The following LPAR1 variants were observed in gnomAD, a reference collection of about 807,000 sequenced individuals.
LPAR1 encodes lysophosphatidic acid receptor 1, also known as LPA receptor 1.
LPAR1 carries 5 observed loss-of-function variants against 23.8 expected under a neutral mutation model. The observed-to-expected ratio is 0.21, with a 90% CI of 0.11 to 0.44. LPAR1 has a LOEUF of 0.44. Among genes scored for constraint, LPAR1 ranks in the 20% least tolerant of loss-of-function variants. The probability of loss-of-function intolerance (pLI) is 0.99; values close to 1 mark genes in which losing one functional copy is unlikely to be tolerated. For synonymous variants in LPAR1, 160 were observed against 164.7 expected (o/e 0.97, Z 0.22); for missense variants, 311 against 482.8 (o/e 0.64, Z 3.33).
chr9:110,880,080 G>A (rs896145342), intron 5 of LPAR1, among the ~76,000 whole-genome samples: 2 of 152,164 alleles, frequency 1.3e-5, no homozygotes, highest in African/African-American at 4.8e-5. Flanking sequence ...CTGTCTCACA[G>A]CACGCTGAAC....
intron 2 of LPAR1, among the ~76,000 whole-genome samples, chr9:111,025,749 TCA>T: frequency 6.6e-6 from 1 of 152,344 alleles, no homozygotes; most frequent in Non-Finnish European, 1.5e-5. Flanking sequence ...GGGTCCAGTT[TCA>T]CTTTTCTACA....
At chr9:110,897,766 A>G (rs999678590) in intron 5 of LPAR1, among the ~76,000 whole-genome samples, 2 of 152,102 alleles carry the variant, frequency 1.3e-5, no homozygotes, top group African/African-American at 2.4e-5. Context: ...GAAACATTGA[A>G]AAGTAGAAAA....
intron 5 of LPAR1, among the ~76,000 whole-genome samples, chr9:110,905,329 T>C (rs529736108): frequency 4.3e-4 from 62 of 143,348 alleles, no homozygotes; most frequent in Middle Eastern, 3.4e-3. Context: ...AAACAAAATA[T>C]GCCTTTGCTT....
intron 2 of LPAR1, among the ~76,000 whole-genome samples, chr9:111,010,499 C>T (rs540171350): frequency 7.8e-4 from 119 of 152,160 alleles, no homozygotes; most frequent in Non-Finnish European, 1.5e-3. Flanking sequence ...TTAAAATGTA[C>T]AATCATTGAG....
At chr9:110,935,589 C>T (rs1237744977) in intron 5 of LPAR1, among the ~76,000 whole-genome samples, 1 of 152,142 alleles carries the variant, frequency 6.6e-6, no homozygotes, top group Non-Finnish European at 1.5e-5. Flanking sequence ...ACGAGTTCAA[C>T]ACCAGCCTAG....
intron 2 of LPAR1, among the ~76,000 whole-genome samples, chr9:111,005,949 C>T (rs953385462): frequency 7.2e-5 from 11 of 152,272 alleles, no homozygotes; most frequent in African/African-American, 2.4e-4. Context: ...TCACACTAAA[C>T]CCTATTCAGT....
intron 2 of LPAR1, among the ~76,000 whole-genome samples, chr9:110,985,038 T>C (rs866301621): frequency 6.6e-6 from 1 of 151,998 alleles, no homozygotes; most frequent in African/African-American, 2.4e-5. Context: ...TTTATCTGGG[T>C]TACTTATCCC....
At position 110,875,505 on chromosome 9, in the gene LPAR1, G is replaced by T; in HGVS notation, c.1011C>A (p.Pro337=). Residue 337 remains proline (P), a synonymous_variant, in exon 6 of 6, where the codon CCC becomes CCA. Coordinates refer to ENST00000683809, the MANE Select transcript of LPAR1 (RefSeq NM_001351411.2). ...AAGCCGAGCGGTCTGAGCCTTCTGT[G>T]GGGCCGGTGGGGTTCTCACTGCGCT... is the stretch of plus-strand genomic sequence containing the variant. The part of the protein sequence containing the change: ...CCQRSENPTG[P]TEGSDRSASS... The T allele has an allele frequency of 6.2e-7, 1 of 1,614,156 alleles. No individual in the cohort carries two copies. The highest frequency in any genetic ancestry group is 8.5e-7 in the Non-Finnish European group (1 of 1,180,004).
chr9:111,005,136 T>C (rs1425086730), intron 2 of LPAR1, among the ~76,000 whole-genome samples: 1 of 119,410 alleles, frequency 8.4e-6, no homozygotes, highest in Non-Finnish European at 1.6e-5. Context: ...TACTCTAGCC[T>C]GGGTGACAAA....
chr9:110,902,915 C>T (rs943472506), intron 5 of LPAR1, among the ~76,000 whole-genome samples: 1 of 152,180 alleles, frequency 6.6e-6, no homozygotes, highest in African/African-American at 2.4e-5. Flanking sequence ...CAGGAGGAAC[C>T]CTAGCAGCCC....
chr9:111,027,734 A>C (rs75192556), intron 2 of LPAR1, among the ~76,000 whole-genome samples: 2,986 of 151,946 alleles, frequency 0.02, 92 homozygotes, highest in African/African-American at 0.068. Context: ...AGGCATGTGG[A>C]TACCTAGGAA....
chr9:110,887,363 T>G lies in LPAR1; in HGVS notation c.794-11641A>C, dbSNP rs187003683. ...ATGTTTATATTTATATAAATATAAT[T>G]TTTAATAGCCAAAAGACATGAAAAG... is the stretch of plus-strand genomic sequence containing the variant. On this transcript the variant is annotated intron_variant, in intron 5 of 5. Coordinates refer to ENST00000683809, the MANE Select transcript of LPAR1 (RefSeq NM_001351411.2). 2.7e-3 allele frequency among the ~76,000 whole-genome samples: 404 copies of G among 152,090 alleles called. 6 individuals are homozygous for G. The highest frequency in any genetic ancestry group is 9.1e-3 in the African/African-American group (377 of 41,536).
chr9:110,992,988 C>G (rs1415940909), intron 2 of LPAR1, among the ~76,000 whole-genome samples: 3 of 151,894 alleles, frequency 2.0e-5, no homozygotes, highest in Non-Finnish European at 4.4e-5. Context: ...TCTATGTTAT[C>G]AATGAAAAAA....
chr9:110,934,050 A>G (rs1251457168), intron 5 of LPAR1, among the ~76,000 whole-genome samples: 1 of 152,214 alleles, frequency 6.6e-6, no homozygotes, highest in Non-Finnish European at 1.5e-5. Flanking sequence ...GGTGCCAAGC[A>G]GCCTAATGGC....
At chr9:111,033,768 G>A (rs2097845059) in intron 2 of LPAR1, among the ~76,000 whole-genome samples, 1 of 152,100 alleles carries the variant, frequency 6.6e-6, no homozygotes, top group Non-Finnish European at 1.5e-5. Context: ...AGCCAGGCTG[G>A]TCTCAAACTC....
chr9:111,026,886 T>G (rs191908319), intron 2 of LPAR1, among the ~76,000 whole-genome samples: 20 of 152,136 alleles, frequency 1.3e-4, no homozygotes, highest in Admixed American at 2.6e-4. Flanking sequence ...CCAACTTGAT[T>G]GTGGTGGATA....
chr9:110,935,129 C>A (rs1189096016), intron 5 of LPAR1, among the ~76,000 whole-genome samples: 2 of 152,096 alleles, frequency 1.3e-5, no homozygotes, highest in Non-Finnish European at 2.9e-5. Flanking sequence ...AATGTTTACA[C>A]CTAATCCTGG....
At chr9:110,902,198 G>A (rs1028465495) in intron 5 of LPAR1, among the ~76,000 whole-genome samples, 27 of 152,024 alleles carry the variant, frequency 1.8e-4, no homozygotes. Flanking sequence ...GACCAAAGGG[G>A]AGTCCCAATG....
In LPAR1 at chr9:111,003,449, G is replaced by A. The variant is rs532351625; in HGVS notation, c.-181-29891C>T. Among the ~76,000 whole-genome samples, 10 of 152,292 alleles carry A rather than the reference G, an allele frequency of 6.6e-5. No individual in the cohort carries two copies. In the South Asian group the frequency reaches 1.9e-3, roughly 28 times the overall value. Reference sequence around the variant, plus strand: ...AACCCATTCTCTAGGGACAATGAATGTAATTTGCTTAATAGAGTGAACCAC... The same window carrying A: ...AACCCATTCTCTAGGGACAATGAATATAATTTGCTTAATAGAGTGAACCAC... On this transcript the variant is annotated intron_variant, in intron 2 of 5. Coordinates refer to ENST00000683809, the MANE Select transcript of LPAR1 (RefSeq NM_001351411.2).
Sources: allele counts gnomAD v4.1 joint callset (sites outside exome capture counted in the v4.1 genomes callset), GRCh38; gene constraint gnomAD v4.1.1; transcripts MANE v1.5; gene names NCBI Gene and HGNC (gene_info 2026-07-23, HGNC 2026-07-21).